The following CDH1 variants were observed in gnomAD, a reference collection of about 807,000 sequenced individuals.
CDH1 encodes the protein cadherin-1.
In CDH1, 35 loss-of-function variants were observed where a neutral mutation model predicts 84.5. That is an observed-to-expected ratio of 0.41 (90% confidence interval 0.32 to 0.55). The LOEUF (loss-of-function observed/expected upper bound fraction) is 0.55. Ranked by LOEUF, CDH1 falls within the 20% of genes least tolerant of loss-of-function variation. The pLI is 0.19. For missense variants in CDH1, 994 were observed against 1,126.6 expected (o/e 0.88, Z 1.68); for synonymous variants, 417 against 439.0 (o/e 0.95, Z 0.63).
At chr16:68,762,438 T>C (rs1351288544) in intron 2 of CDH1, among the ~76,000 whole-genome samples, 1 of 152,128 alleles carries the variant, frequency 6.6e-6, no homozygotes, top group African/African-American at 2.4e-5. Context: ...GATGAGGGGC[T>C]CTTTGCTGTG....
intron 2 of CDH1, among the ~76,000 whole-genome samples, chr16:68,780,413 C>T (rs2161664): frequency 0.28 from 42,557 of 151,990 alleles, 6,062 homozygotes; most frequent in Middle Eastern, 0.33. Context: ...GTGATTCTCT[C>T]CTGCCTCAGC....
intron 3 of CDH1, 50 bp downstream of exon 3, chr16:68,801,943 T>C: frequency 6.9e-7 from 1 of 1,449,062 alleles, no homozygotes; most frequent in African/African-American, 1.4e-5. Context: ...GTGCGCTGTC[T>C]AATCCAGGTT....
chr16:68,825,590 T>C (rs2152140463), intron 13 of CDH1, among the ~76,000 whole-genome samples: 1 of 152,304 alleles, frequency 6.6e-6, no homozygotes, highest in Non-Finnish European at 1.5e-5. Context: ...AAGAAAAGGA[T>C]AGTGCTGTTG....
chr16:68,804,813 G>A (rs73560998), intron 3 of CDH1, among the ~76,000 whole-genome samples: 3,749 of 144,744 alleles, frequency 0.026, 184 homozygotes, highest in African/African-American at 0.094. Context: ...AACATATCCA[G>A]GTAACAAAAT....
At chr16:68,831,472 C>T (rs1323823264) in intron 15 of CDH1, among the ~76,000 whole-genome samples, 1 of 151,766 alleles carries the variant, frequency 6.6e-6, no homozygotes, top group African/African-American at 2.4e-5. Context: ...TTCATTTTAG[C>T]CACTGGAAAA....
intron 5 of CDH1, among the ~76,000 whole-genome samples, chr16:68,809,315 C>T (rs1960757024): frequency 1.3e-5 from 2 of 150,518 alleles, no homozygotes; most frequent in African/African-American, 2.5e-5. Context: ...GATTCTCCTG[C>T]TTCAACCTCC....
At chr16:68,742,869 T>C (rs566857297) in intron 2 of CDH1, among the ~76,000 whole-genome samples, 1 of 152,152 alleles carries the variant, frequency 6.6e-6, no homozygotes, top group Non-Finnish European at 1.5e-5. Flanking sequence ...CCCCTCAAAC[T>C]CATAAAAGTC....
intron 13 of CDH1, 52 bp from the exon 14 acceptor site, chr16:68,828,122 C>T (rs1961369204): frequency 1.2e-6 from 2 of 1,609,082 alleles, no homozygotes; most frequent in African/African-American, 1.3e-5. Flanking sequence ...CTGCTTCTGG[C>T]CTTCTTTATC....
intron 2 of CDH1, among the ~76,000 whole-genome samples, chr16:68,788,046 T>C (rs1277842093): frequency 6.6e-6 from 1 of 151,306 alleles, no homozygotes; most frequent in Non-Finnish European, 1.5e-5. Flanking sequence ...AGGCCTGTCT[T>C]AAACTCCTGA....
chr16:68,831,438 A>G (rs1238635707), intron 15 of CDH1, among the ~76,000 whole-genome samples: 3 of 151,958 alleles, frequency 2.0e-5, no homozygotes, highest in Non-Finnish European at 2.9e-5. Context: ...GAGGCACTGC[A>G]GTGTTAGAAG....
At chr16:68,756,499 C>T (rs1356215513) in intron 2 of CDH1, among the ~76,000 whole-genome samples, 2 of 152,110 alleles carry the variant, frequency 1.3e-5, no homozygotes, top group South Asian at 2.1e-4. Flanking sequence ...CCGGCTCTTA[C>T]TCATAAGTCC....
chr16:68,742,179 T>G (rs1962585219), intron 2 of CDH1, among the ~76,000 whole-genome samples: 1 of 152,252 alleles, frequency 6.6e-6, no homozygotes, highest in African/African-American at 2.4e-5. Flanking sequence ...AATCTGGCCT[T>G]GGAAACACAG....
chr16:68,819,738 C>T (rs1961090296), intron 11 of CDH1, among the ~76,000 whole-genome samples: 1 of 152,188 alleles, frequency 6.6e-6, no homozygotes, highest in Admixed American at 6.5e-5. Flanking sequence ...ATTCCACAAT[C>T]TACATCCATG....
Position 68,752,217 on chromosome 16 carries a change from G to A in CDH1, c.163+13806G>A, listed in dbSNP as rs1457840418. 2.0e-5 allele frequency among the ~76,000 whole-genome samples: 3 copies of A among 152,172 alleles called. No homozygotes were observed. The South Asian group carries it at 6.2e-4, about 32-fold the overall frequency. On this transcript the variant is annotated intron_variant, in intron 2 of 15. Coordinates refer to ENST00000261769, the MANE Select transcript of CDH1 (RefSeq NM_004360.5). ...TCCACCCGCCTTGGCCTCCCAAAGT[G>A]CTGCGATTACAGGCGTGAGCCACCA...
chr16:68,819,158 T>G, intron 10 of CDH1, 122 bp from the exon 11 acceptor site: 5 of 1,101,354 alleles, frequency 4.5e-6, no homozygotes, highest in Non-Finnish European at 6.9e-6. Context: ...GACCGGCCTA[T>G]TGTTGGTTTT....
intron 7 of CDH1, 66 bp from the exon 8 acceptor site, chr16:68,812,069 G>T (rs2152132374): frequency 6.2e-7 from 1 of 1,611,360 alleles, no homozygotes. Flanking sequence ...CCATGTGTTG[G>T]GCTGGGCTAG....
chr16:68,745,930 G>A (rs1273177496), intron 2 of CDH1, among the ~76,000 whole-genome samples: 2 of 152,146 alleles, frequency 1.3e-5, no homozygotes, highest in African/African-American at 4.8e-5. Flanking sequence ...CAATTCTCAT[G>A]CCTCAGCCTC....
chr16:68,818,674 C>T (rs556395195), intron 10 of CDH1, among the ~76,000 whole-genome samples: 2 of 150,314 alleles, frequency 1.3e-5, no homozygotes, highest in Non-Finnish European at 3.0e-5. Flanking sequence ...CGGTGTAAAC[C>T]GCGTCTCAAC....
At chr16:68,743,660 C>G (rs939918090) in intron 2 of CDH1, among the ~76,000 whole-genome samples, 6 of 152,170 alleles carry the variant, frequency 3.9e-5, no homozygotes, top group Admixed American at 2.0e-4. Flanking sequence ...GCCACCGAGC[C>G]GGGCCCCTTC....
Sources: gnomAD v4.1 joint callset for allele counts (sites outside exome capture counted in the v4.1 genomes callset) on GRCh38, gnomAD v4.1.1 for gene constraint, MANE v1.5 for transcripts, NCBI Gene and HGNC (gene_info 2026-07-23, HGNC 2026-07-21) for gene names.